PIGN: variants seen among roughly 807,000 people sequenced by gnomAD.
PIGN encodes phosphatidylinositol glycan anchor biosynthesis class N.
In PIGN, 117 loss-of-function variants were observed where a neutral mutation model predicts 125.4. The observed-to-expected ratio is 0.93, with a 90% CI of 0.80 to 1.09. The LOEUF (loss-of-function observed/expected upper bound fraction) is 1.09. Ranked by LOEUF, PIGN falls within the 50% of genes least tolerant of loss-of-function variation. PIGN has a pLI of 0.00. For missense variants in PIGN, 1,075 were observed against 1,094.9 expected, an observed-to-expected ratio of 0.98 and a Z score of 0.26; for synonymous variants, 392 against 377.8, an observed-to-expected ratio of 1.04 and a Z score of -0.44.
chr18:62,184,276 G>C (rs1184477515), intron 1 of PIGN, among the ~76,000 whole-genome samples: 1 of 152,108 alleles, frequency 6.6e-6, no homozygotes, highest in Non-Finnish European at 1.5e-5. Context: ...TTGAAAAAAG[G>C]CATCTTTTAC....
chr18:62,142,162 C>T (rs2036162995), intron 11 of PIGN, among the ~76,000 whole-genome samples: 1 of 152,174 alleles, frequency 6.6e-6, no homozygotes, highest in Non-Finnish European at 1.5e-5. Context: ...GTATACATTT[C>T]CCAGGACAGG....
chr18:62,158,576 T>G (rs2147548251), intron 4 of PIGN, among the ~76,000 whole-genome samples: 1 of 152,296 alleles, frequency 6.6e-6, no homozygotes. Context: ...AAAGCAAAAC[T>G]ACAAGTGGTG....
At chr18:62,038,312 T>TTG (rs1555668889), downstream of PIGN, among the ~76,000 whole-genome samples, 8 of 101,812 alleles carry the variant, frequency 7.9e-5, no homozygotes, top group African/African-American at 1.9e-4. Context: ...CTCCGTGTTT[T>TTG]TTTTTTTTTT....
chr18:62,087,161 G>A (rs190689271), intron 25 of PIGN, among the ~76,000 whole-genome samples: 1 of 152,284 alleles, frequency 6.6e-6, no homozygotes, highest in Admixed American at 6.5e-5. Flanking sequence ...ATAAAAGAAG[G>A]TTAATGGTGG....
At chr18:62,035,575 C>G (rs976033282) in intron 23 of PIGN, among the ~76,000 whole-genome samples, 4 of 151,904 alleles carry the variant, frequency 2.6e-5, no homozygotes, top group Admixed American at 6.6e-5. Flanking sequence ...TGTGCACAAC[C>G]TGCAGGTTTG....
At chr18:62,151,498 C>T (rs754202187) in intron 7 of PIGN, among the ~76,000 whole-genome samples, 13 of 152,196 alleles carry the variant, frequency 8.5e-5, no homozygotes, top group Non-Finnish European at 1.5e-4. Flanking sequence ...ATGTGTACAA[C>T]TTTCTAAACA....
Position 62,163,642 on chromosome 18 carries a change from G to A in PIGN, c.-221C>T, listed in dbSNP as rs1351657142. The stretch of plus-strand genomic sequence containing the variant: ...CTCATCTCACTTTGCACAGGACTGA[G>A]ACATAATACTGTTTCTAGAACATAA... On this transcript the variant is annotated 5_prime_UTR_variant, in exon 2 of 31. Transcript: ENST00000640252. 1 of 152,064 alleles carries A rather than the reference G, an allele frequency of 6.6e-6. No homozygotes were observed. The highest frequency in any genetic ancestry group is 1.5e-5 in the Non-Finnish European group (1 of 67,992). 9.4% of individuals were successfully genotyped at this position (152,064 alleles called of 1,614,324 possible). A position where few individuals can be genotyped will look rare whatever the true frequency, so the allele number is the denominator to read the frequency against.
intron 14 of PIGN, among the ~76,000 whole-genome samples, chr18:62,123,848 T>C (rs1048961578): frequency 1.3e-5 from 2 of 152,032 alleles, no homozygotes; most frequent in Non-Finnish European, 2.9e-5. Context: ...ATAGGAAACT[T>C]GGAAGGCCAG....
At chr18:62,110,067 T>A in intron 16 of PIGN, 94 bp from the exon 17 acceptor site, 1 of 1,137,884 alleles carries the variant, frequency 8.8e-7, no homozygotes, top group Non-Finnish European at 1.3e-6. Flanking sequence ...AACCTATTAC[T>A]TTCTTTCAAT....
At chr18:62,129,129 G>A (rs1240063981) in intron 14 of PIGN, among the ~76,000 whole-genome samples, 6 of 152,192 alleles carry the variant, frequency 3.9e-5, no homozygotes, top group East Asian at 1.9e-4. Flanking sequence ...ACCAGCTCCC[G>A]AGAGCAGATG....
At chr18:62,030,734 C>T (rs1201929012) in intron 23 of PIGN, among the ~76,000 whole-genome samples, 1 of 152,200 alleles carries the variant, frequency 6.6e-6, no homozygotes, top group Non-Finnish European at 1.5e-5. Flanking sequence ...ATTATCTGCA[C>T]TTTCAAAATG....
At chr18:62,048,930 C>T (rs1382714069) in intron 30 of PIGN, among the ~76,000 whole-genome samples, 3 of 149,306 alleles carry the variant, frequency 2.0e-5, no homozygotes, top group Admixed American at 1.3e-4. Flanking sequence ...TCAATTCCCA[C>T]CTATGAGTGA....
At chr18:62,067,297 T>G (rs1296911360) in intron 30 of PIGN, among the ~76,000 whole-genome samples, 1 of 152,232 alleles carries the variant, frequency 6.6e-6, no homozygotes, top group Non-Finnish European at 1.5e-5. Flanking sequence ...ATTTCAACTT[T>G]TAGTTTTTCT....
chr18:62,129,100 C>T (rs959540323), intron 14 of PIGN, among the ~76,000 whole-genome samples: 5 of 152,224 alleles, frequency 3.3e-5, no homozygotes, highest in South Asian at 4.1e-4. Context: ...CCCTCAGTGG[C>T]GTGCTGAGGG....
At chr18:62,093,120 A>T (rs1229529679) in intron 23 of PIGN, among the ~76,000 whole-genome samples, 3 of 152,142 alleles carry the variant, frequency 2.0e-5, no homozygotes, top group Non-Finnish European at 4.4e-5. Context: ...GATTAATTGA[A>T]TTAAGGTGCA....
chr18:62,061,620 A>G (rs950924157), intron 30 of PIGN, among the ~76,000 whole-genome samples: 4 of 152,114 alleles, frequency 2.6e-5, no homozygotes, highest in African/African-American at 9.7e-5. Flanking sequence ...CGCTAATTAT[A>G]CTATTAACAC....
At chr18:62,103,787 C>T (rs976626701) in intron 20 of PIGN, 2 of 152,160 alleles carry the variant, frequency 1.3e-5, no homozygotes, top group African/African-American at 4.8e-5. Context: ...TTCAAATACA[C>T]TCTTTGAGAA....
intron 16 of PIGN, chr18:62,110,221 G>T: frequency 5.8e-6 from 2 of 342,430 alleles, no homozygotes; most frequent in Non-Finnish European, 1.1e-5. Context: ...AGTGACTATG[G>T]CCTTAAAGTT....
chr18:62,139,059 T>A lies in PIGN; in HGVS notation c.1040A>T (p.Asp347Val). ...GAAGAGATCAGTGTTGTTAAGATAA[T>A]CCACAGGAAGGATTCCCTGAAAATA... Reference protein sequence around the residue: ...PLNSVGILPVDYLNNTDLFKA... With the variant: ...PLNSVGILPVVYLNNTDLFKA... The change falls in exon 13 of 31, where the codon GAT (aspartate) becomes GTT (valine). Residue 347 changes from aspartate to valine, a missense_variant. Physicochemically the swap from Asp to Val is radical, Grantham distance 152. This residue lies in a region of PIGN where 915 missense variants were observed against 908.7 expected (regional missense o/e 1.01). Transcript: ENST00000640252. 6.2e-7 allele frequency: 1 copy of A among 1,601,338 alleles called. No individual in the cohort carries two copies. Among genetic ancestry groups the A allele is most frequent in the Non-Finnish European group, 8.5e-7 (1 of 1,171,554 alleles).
Sources: allele counts gnomAD v4.1 joint callset (sites outside exome capture counted in the v4.1 genomes callset), GRCh38; gene constraint gnomAD v4.1.1; regional missense constraint gnomAD v4.1.1; transcripts MANE v1.5; gene names NCBI Gene and HGNC (gene_info 2026-07-23, HGNC 2026-07-21).